ZNF804A: variants seen among roughly 807,000 people sequenced by gnomAD.
ZNF804A encodes zinc finger protein 804A.
ZNF804A carries 2 observed loss-of-function variants against 16.5 expected under a neutral mutation model. The ratio of observed to expected loss-of-function variants is 0.12; its 90% CI spans 0.05 to 0.38. The LOEUF (loss-of-function observed/expected upper bound fraction) is 0.38, where lower values mean the gene tolerates loss of function less well. Among genes scored for constraint, ZNF804A ranks in the 10% least tolerant of loss-of-function variants. The pLI is 0.99. For synonymous variants in ZNF804A, 534 were observed against 489.6 expected (o/e 1.09, Z -1.20); for missense variants, 1,473 against 1,390.7 (o/e 1.06, Z -0.94).
At chr2:184,610,802 C>A (rs538819317) in intron 1 of ZNF804A, among the ~76,000 whole-genome samples, 4 of 152,190 alleles carry the variant, frequency 2.6e-5, no homozygotes, top group Non-Finnish European at 5.9e-5. Context: ...AAGTCTACTA[C>A]AGCCAGTCAC....
At chr2:184,656,287 A>G (rs1692073136) in intron 1 of ZNF804A, among the ~76,000 whole-genome samples, 1 of 152,122 alleles carries the variant, frequency 6.6e-6, no homozygotes, top group Non-Finnish European at 1.5e-5. Context: ...TGCACGCAAT[A>G]TTGCTATTTC....
chr2:184,929,259 T>A (rs1449903144), intron 2 of ZNF804A, among the ~76,000 whole-genome samples: 8 of 152,198 alleles, frequency 5.3e-5, no homozygotes, highest in African/African-American at 1.9e-4. Flanking sequence ...TATTCAATGA[T>A]TATGTCAATG....
chr2:184,611,961 T>A (rs1045482920), intron 1 of ZNF804A, among the ~76,000 whole-genome samples: 2 of 152,210 alleles, frequency 1.3e-5, no homozygotes, highest in African/African-American at 4.8e-5. Context: ...TCATTAGGTG[T>A]CACTCTTGGC....
intron 1 of ZNF804A, among the ~76,000 whole-genome samples, chr2:184,723,437 G>A (rs541936920): frequency 2.0e-5 from 3 of 151,702 alleles, no homozygotes; most frequent in African/African-American, 4.8e-5. Context: ...ATTAAAACAA[G>A]TATATTTGGA....
intron 1 of ZNF804A, among the ~76,000 whole-genome samples, chr2:184,681,437 T>C (rs570767699): frequency 2.0e-5 from 3 of 152,376 alleles, no homozygotes; most frequent in African/African-American, 7.2e-5. Context: ...ACATTATTCT[T>C]GTGCAAAAGT....
At chr2:184,907,332 A>C (rs1685292051) in intron 2 of ZNF804A, among the ~76,000 whole-genome samples, 1 of 152,120 alleles carries the variant, frequency 6.6e-6, no homozygotes, top group Non-Finnish European at 1.5e-5. Flanking sequence ...TGACTTGGAA[A>C]TTACCTGTGA....
intron 1 of ZNF804A, among the ~76,000 whole-genome samples, chr2:184,631,524 A>G (rs1691609049): frequency 6.6e-6 from 1 of 152,156 alleles, no homozygotes; most frequent in Non-Finnish European, 1.5e-5. Flanking sequence ...TTAATACTAA[A>G]TTTGGGAGAT....
chr2:184,890,081 A>G (rs1684956849), intron 2 of ZNF804A, among the ~76,000 whole-genome samples: 1 of 152,108 alleles, frequency 6.6e-6, no homozygotes, highest in African/African-American at 2.4e-5. Context: ...GGGATAACCA[A>G]AGATAACAGT....
At chr2:184,887,552 G>C (rs1049903526) in intron 2 of ZNF804A, among the ~76,000 whole-genome samples, 1 of 152,220 alleles carries the variant, frequency 6.6e-6, no homozygotes, top group Non-Finnish European at 1.5e-5. Flanking sequence ...AAGAGGTTTA[G>C]TTGGACTTAC....
chr2:184,909,458 A>G (rs1198062272), intron 2 of ZNF804A, among the ~76,000 whole-genome samples: 1 of 152,100 alleles, frequency 6.6e-6, no homozygotes, highest in East Asian at 1.9e-4. Context: ...CATAAAGTGC[A>G]TTCTAAAGAT....
rs190666806 is a variant in ZNF804A, at chr2:184,762,646, A to G, written c.112-103723A>G. ...TTAATGAAGGCTGTATAAGGTGTTC[A>G]TCCTAAATAGTATGTAAAATTTGGG... is the stretch of plus-strand genomic sequence containing the variant. On this transcript the variant is annotated intron_variant, in intron 1 of 3. Transcript: ENST00000302277. Among the ~76,000 whole-genome samples, 19 of 152,156 alleles carry G rather than the reference A, an allele frequency of 1.2e-4. 1 individual carries two copies. In the East Asian group the frequency reaches 3.7e-3, roughly 29 times the overall value.
At chr2:184,923,487 T>C (rs1559003977) in intron 2 of ZNF804A, among the ~76,000 whole-genome samples, 1 of 151,640 alleles carries the variant, frequency 6.6e-6, no homozygotes, top group Non-Finnish European at 1.5e-5. Flanking sequence ...TTATATCATC[T>C]GGAACAAAGA....
At chr2:184,662,874 CT>C (rs1414769078) in intron 1 of ZNF804A, among the ~76,000 whole-genome samples, 1 of 152,318 alleles carries the variant, frequency 6.6e-6, no homozygotes, top group Non-Finnish European at 1.5e-5. Flanking sequence ...CATGCATTAT[CT>C]TTTTCCTTTC....
chr2:184,631,372 A>G (rs753283367), intron 1 of ZNF804A, among the ~76,000 whole-genome samples: 1 of 152,160 alleles, frequency 6.6e-6, no homozygotes. Flanking sequence ...CCATTATTGC[A>G]CTAATTTTTT....
At chr2:184,613,174 C>A (rs1270166450) in intron 1 of ZNF804A, among the ~76,000 whole-genome samples, 2 of 152,178 alleles carry the variant, frequency 1.3e-5, no homozygotes, top group African/African-American at 2.4e-5. Flanking sequence ...TCTCTTAGAA[C>A]CCTTCATAAA....
At chr2:184,653,321 A>T (rs1019401075) in intron 1 of ZNF804A, among the ~76,000 whole-genome samples, 1 of 152,208 alleles carries the variant, frequency 6.6e-6, no homozygotes, top group Non-Finnish European at 1.5e-5. Flanking sequence ...CATAATATAA[A>T]GACATTTTGG....
At chr2:184,915,673 C>A (rs1218183271) in intron 2 of ZNF804A, among the ~76,000 whole-genome samples, 3 of 152,164 alleles carry the variant, frequency 2.0e-5, no homozygotes, top group African/African-American at 7.2e-5. Flanking sequence ...GCACAGATTG[C>A]AAAGACTTTT....
Position 184,717,833 on chromosome 2 carries a change from C to T in ZNF804A, c.111+118763C>T, listed in dbSNP as rs1032125369. Among the ~76,000 whole-genome samples the T allele has an allele frequency of 3.3e-5, 5 of 152,024 alleles. No individual in the cohort carries two copies. In the East Asian group the frequency reaches 9.6e-4, roughly 29 times the overall value. On this transcript the variant is annotated intron_variant, in intron 1 of 3. Coordinates refer to ENST00000302277, the MANE Select transcript of ZNF804A (RefSeq NM_194250.2). ...TCTATTTGTTTTTAACGTTTCAAGT[C>T]CTCTCTTAAAGCTATTTTGAAATAT...
intron 1 of ZNF804A, among the ~76,000 whole-genome samples, chr2:184,766,835 A>G (rs1260671354): frequency 6.6e-6 from 1 of 152,114 alleles, no homozygotes; most frequent in African/African-American, 2.4e-5. Flanking sequence ...ACTGTGTCCC[A>G]TGCAAAATTT....
Sources: gnomAD v4.1 joint callset for allele counts (sites outside exome capture counted in the v4.1 genomes callset) on GRCh38, gnomAD v4.1.1 for gene constraint, MANE v1.5 for transcripts, NCBI Gene and HGNC (gene_info 2026-07-23, HGNC 2026-07-21) for gene names.